Variants in PCDH9 observed in about 807,000 individuals in gnomAD.
PCDH9 encodes the protein protocadherin-9.
PCDH9 carries 24 observed loss-of-function variants against 70.6 expected under a neutral mutation model. That is an observed-to-expected ratio of 0.34 (90% confidence interval 0.25 to 0.48). The LOEUF (loss-of-function observed/expected upper bound fraction) is 0.48. Among genes scored for constraint, PCDH9 ranks in the 20% least tolerant of loss-of-function variants. The pLI is 0.99. For missense variants in PCDH9, 1,281 were observed against 1,503.6 expected (o/e 0.85, Z 2.45); for synonymous variants, 562 against 558.5 (o/e 1.01, Z -0.09).
At chr13:66,371,509 T>C (rs1956651940) in intron 4 of PCDH9, among the ~76,000 whole-genome samples, 1 of 152,202 alleles carries the variant, frequency 6.6e-6, no homozygotes, top group Non-Finnish European at 1.5e-5. Flanking sequence ...GAGGGGTATG[T>C]ATTGAGGTAT....
intron 2 of PCDH9, among the ~76,000 whole-genome samples, chr13:67,059,653 G>A (rs1031884394): frequency 4.6e-5 from 7 of 151,208 alleles, no homozygotes; most frequent in Non-Finnish European, 7.4e-5. Flanking sequence ...TACTAAACAC[G>A]TGCCTAATCA....
At chr13:66,393,170 C>T (rs1430570900) in intron 4 of PCDH9, among the ~76,000 whole-genome samples, 1 of 152,074 alleles carries the variant, frequency 6.6e-6, no homozygotes, top group Non-Finnish European at 1.5e-5. Flanking sequence ...ATGTTAAAAT[C>T]CTGAATCTAA....
chr13:66,526,252 C>A (rs1450358197), intron 4 of PCDH9, among the ~76,000 whole-genome samples: 1 of 151,976 alleles, frequency 6.6e-6, no homozygotes, highest in Non-Finnish European at 1.5e-5. Context: ...TGAATGAGCA[C>A]AAAGGAAGAA....
chr13:67,190,752 AATAAT>A (rs2088888465), intron 2 of PCDH9, among the ~76,000 whole-genome samples: 1 of 152,074 alleles, frequency 6.6e-6, no homozygotes, highest in South Asian at 2.1e-4. Context: ...GTAATTTTTG[AATAAT>A]ATATTTTTAA....
intron 4 of PCDH9, among the ~76,000 whole-genome samples, chr13:66,345,275 T>C (rs940124139): frequency 2.6e-5 from 4 of 152,184 alleles, no homozygotes; most frequent in African/African-American, 9.7e-5. Context: ...TGGGATTTGG[T>C]TGTGCTCCAG....
At chr13:66,374,154 A>C (rs2138224236) in intron 4 of PCDH9, among the ~76,000 whole-genome samples, 1 of 152,172 alleles carries the variant, frequency 6.6e-6, no homozygotes, top group South Asian at 2.1e-4. Context: ...CAAAGGAGAT[A>C]ATATAGACTC....
chr13:66,741,319 T>C (rs1459467299), intron 3 of PCDH9, among the ~76,000 whole-genome samples: 2 of 13,250 alleles, frequency 1.5e-4, no homozygotes, highest in African/African-American at 1.6e-4. Context: ...TCTCAATAAA[T>C]TAGGTACTGA....
intron 2 of PCDH9, among the ~76,000 whole-genome samples, chr13:67,142,710 T>C (rs2087424704): frequency 6.6e-6 from 1 of 151,958 alleles, no homozygotes; most frequent in Non-Finnish European, 1.5e-5. Flanking sequence ...TTTGCAAAAC[T>C]TAAAAATATG....
rs1160303614 is a variant in PCDH9 at position 66,322,256 on chromosome 13, C to T, written c.3341-17228G>A. On this transcript the variant is annotated intron_variant, in intron 4 of 4. Coordinates refer to ENST00000377865, the MANE Select transcript of PCDH9 (RefSeq NM_203487.3). ...TGAATGGAGAAAAGCCAAGCCATTCCATTCCCTCTGGTTATCTCAATGACA... is the reference window on the plus strand; with the variant it reads ...TGAATGGAGAAAAGCCAAGCCATTCTATTCCCTCTGGTTATCTCAATGACA... Among the ~76,000 whole-genome samples the T allele has an allele frequency of 3.9e-5, 6 of 152,006 alleles. No individual in the cohort carries two copies. The East Asian group carries it at 1.2e-3, about 29-fold the overall frequency.
intron 4 of PCDH9, among the ~76,000 whole-genome samples, chr13:66,406,371 A>G (rs2138310352): frequency 6.6e-6 from 1 of 152,312 alleles, no homozygotes; most frequent in Middle Eastern, 3.4e-3. Flanking sequence ...TGCAGACAAT[A>G]TTTGTGATGC....
chr13:66,745,749 T>A (rs374656270), intron 3 of PCDH9, among the ~76,000 whole-genome samples: 8 of 152,054 alleles, frequency 5.3e-5, no homozygotes, highest in Admixed American at 1.3e-4. Context: ...ATTTGTATAT[T>A]TTTTTTAATG....
chr13:67,057,705 T>A (rs2085450429), intron 2 of PCDH9, among the ~76,000 whole-genome samples: 1 of 152,078 alleles, frequency 6.6e-6, no homozygotes, highest in Non-Finnish European at 1.5e-5. Context: ...ACCCAATTAT[T>A]GAATGACTCA....
At chr13:67,199,429 T>A (rs2089155632) in intron 2 of PCDH9, among the ~76,000 whole-genome samples, 1 of 151,942 alleles carries the variant, frequency 6.6e-6, no homozygotes, top group Non-Finnish European at 1.5e-5. Context: ...CATATTTAAT[T>A]AGTATGTATC....
chr13:66,840,369 T>G (rs1001122862), intron 3 of PCDH9, among the ~76,000 whole-genome samples: 1 of 152,202 alleles, frequency 6.6e-6, no homozygotes, highest in Admixed American at 6.5e-5. Context: ...AATAAAAATA[T>G]AGTTAAATAT....
intron 2 of PCDH9, among the ~76,000 whole-genome samples, chr13:67,133,025 C>G (rs2087144286): frequency 6.6e-6 from 1 of 152,016 alleles, no homozygotes; most frequent in Non-Finnish European, 1.5e-5. Flanking sequence ...AAGATAAACT[C>G]AAAAAGATTG....
rs367845530 is a variant in PCDH9, at chr13:66,994,658, G to T, written c.3037-91053C>A. 7.9e-5 allele frequency among the ~76,000 whole-genome samples: 12 copies of T among 152,320 alleles called. No homozygotes were observed. The East Asian group carries it at 1.5e-3, about 20-fold the overall frequency. ...CCTGTCCAGAGGCTAGATGGCTGGG[G>T]ACTTCTGAGAGCAACAGAAAAGATG... On this transcript the variant is annotated intron_variant, in intron 2 of 4. Coordinates refer to ENST00000377865, the MANE Select transcript of PCDH9 (RefSeq NM_203487.3).
Position 66,406,415 on chromosome 13 carries a change from C to A in PCDH9, c.3341-101387G>T, listed in dbSNP as rs200532124. The stretch of plus-strand genomic sequence containing the variant: ...AATGTAAAAACTGCTCCTGTTACTA[C>A]TAGACTATAAGCACACATCAAGCAT... On this transcript the variant is annotated intron_variant, in intron 4 of 4. Transcript: ENST00000377865. Among the ~76,000 whole-genome samples, 20 of 152,324 alleles carry A rather than the reference C, an allele frequency of 1.3e-4. No individual in the cohort carries two copies. In the East Asian group the frequency reaches 3.7e-3, roughly 28 times the overall value.
At chr13:66,721,379 GTC>G (rs1373193095) in intron 3 of PCDH9, among the ~76,000 whole-genome samples, 13 of 152,162 alleles carry the variant, frequency 8.5e-5, no homozygotes, top group Admixed American at 8.5e-4. Flanking sequence ...GCATTTTACA[GTC>G]TCTCTGAAGT....
At chr13:66,735,244 C>T (rs2079130862) in intron 3 of PCDH9, among the ~76,000 whole-genome samples, 1 of 152,122 alleles carries the variant, frequency 6.6e-6, no homozygotes, top group Non-Finnish European at 1.5e-5. Context: ...CTGGATGCTA[C>T]AAAATATAAT....
Sources: gnomAD v4.1 joint callset for allele counts (sites outside exome capture counted in the v4.1 genomes callset) on GRCh38, gnomAD v4.1.1 for gene constraint, MANE v1.5 for transcripts, NCBI Gene and HGNC (gene_info 2026-07-23, HGNC 2026-07-21) for gene names.